The following DISP1 variants were observed in gnomAD, a reference collection of about 807,000 sequenced individuals.
DISP1 encodes protein dispatched homolog 1.
DISP1 carries 30 observed loss-of-function variants against 37.3 expected under a neutral mutation model. The ratio of observed to expected loss-of-function variants is 0.80; its 90% CI spans 0.60 to 1.09. The LOEUF is 1.09. Among genes scored for constraint, DISP1 ranks in the 50% least tolerant of loss-of-function variants. DISP1 has a pLI of 0.00. For synonymous variants in DISP1, 634 were observed against 690.2 expected (o/e 0.92, Z 1.28); for missense variants, 1,598 against 1,879.5 (o/e 0.85, Z 2.77).
chr1:222,930,812 T>TGATTC (rs1673343999), intron 2 of DISP1, among the ~76,000 whole-genome samples: 2 of 152,090 alleles, frequency 1.3e-5, no homozygotes, highest in African/African-American at 4.8e-5. Context: ...CTTAATTTAC[T>TGATTC]GATTCAATTC....
intron 1 of DISP1, among the ~76,000 whole-genome samples, chr1:222,883,166 G>A (rs973610373): frequency 6.6e-6 from 1 of 151,982 alleles, no homozygotes; most frequent in African/African-American, 2.4e-5. Context: ...TACAATTTAA[G>A]TATCATAAAA....
intron 1 of DISP1, among the ~76,000 whole-genome samples, chr1:222,881,851 G>A (rs1195910469): frequency 2.0e-5 from 3 of 152,070 alleles, no homozygotes; most frequent in Admixed American, 1.3e-4. Context: ...ATACTAAAAA[G>A]AATGGGCCAA....
intron 1 of DISP1, among the ~76,000 whole-genome samples, chr1:222,825,055 A>G (rs1187319589): frequency 6.7e-6 from 1 of 149,306 alleles, no homozygotes; most frequent in African/African-American, 2.5e-5. Context: ...TAGTTATTAG[A>G]TTGTTGCCCT....
intron 4 of DISP1, among the ~76,000 whole-genome samples, chr1:222,985,862 A>G (rs1434404363): frequency 6.6e-6 from 1 of 152,096 alleles, no homozygotes; most frequent in East Asian, 1.9e-4. Flanking sequence ...AAAGAGTTGT[A>G]TATTCTTTTC....
intron 1 of DISP1, among the ~76,000 whole-genome samples, chr1:222,829,916 G>T (rs1198696008): frequency 6.6e-6 from 1 of 151,960 alleles, no homozygotes; most frequent in African/African-American, 2.4e-5. Flanking sequence ...TTTTTTAATG[G>T]GTTAAGGTTA....
intron 1 of DISP1, among the ~76,000 whole-genome samples, chr1:222,882,581 C>G (rs1391845455): frequency 6.6e-6 from 1 of 152,146 alleles, no homozygotes; most frequent in Non-Finnish European, 1.5e-5. Flanking sequence ...CTCTTTGTAA[C>G]TTTATGAATA....
intron 1 of DISP1, among the ~76,000 whole-genome samples, chr1:222,828,055 G>C (rs1174661684): frequency 6.6e-6 from 1 of 152,168 alleles, no homozygotes; most frequent in Non-Finnish European, 1.5e-5. Context: ...ACTAGGTATA[G>C]TGTACTTGCA....
At chr1:222,977,439 T>G (rs1181938827) in intron 3 of DISP1, among the ~76,000 whole-genome samples, 2 of 151,590 alleles carry the variant, frequency 1.3e-5, no homozygotes, top group African/African-American at 4.8e-5. Context: ...TTACAAATAT[T>G]TTTTGTCTAA....
chr1:222,871,382 A>G (rs990262418), intron 1 of DISP1, among the ~76,000 whole-genome samples: 1 of 152,172 alleles, frequency 6.6e-6, no homozygotes, highest in African/African-American at 2.4e-5. Context: ...TACCTTGGGC[A>G]GTATGGCCAT....
intron 1 of DISP1, among the ~76,000 whole-genome samples, chr1:222,903,853 G>C (rs1425479767): frequency 6.6e-6 from 1 of 152,230 alleles, no homozygotes; most frequent in Non-Finnish European, 1.5e-5. Context: ...GGTTAGGGAA[G>C]AGAACTACTT....
At chr1:222,937,291 C>T (rs959759782) in intron 2 of DISP1, among the ~76,000 whole-genome samples, 5 of 151,490 alleles carry the variant, frequency 3.3e-5, no homozygotes, top group African/African-American at 1.2e-4. Flanking sequence ...GAGGTTTCAC[C>T]GTGTTAGCCA....
At chr1:222,976,600 AT>A (rs1190380292) in intron 3 of DISP1, among the ~76,000 whole-genome samples, 1 of 151,900 alleles carries the variant, frequency 6.6e-6, no homozygotes, top group Non-Finnish European at 1.5e-5. Flanking sequence ...ACTGTCTCAA[AT>A]TTTTTTAACA....
chr1:222,924,220 C>T (rs1293448291), intron 1 of DISP1, among the ~76,000 whole-genome samples: 3 of 152,156 alleles, frequency 2.0e-5, no homozygotes, highest in African/African-American at 7.2e-5. Context: ...ATTGTCTTTG[C>T]TCCAGACTTG....
chr1:222,944,751 G>A (rs1009708970), intron 3 of DISP1, among the ~76,000 whole-genome samples: 18 of 152,186 alleles, frequency 1.2e-4, no homozygotes, highest in African/African-American at 3.9e-4. Context: ...GCACTCTTTC[G>A]TGTTTGGCAA....
chr1:222,847,733 C>T (rs1179291562), intron 1 of DISP1, among the ~76,000 whole-genome samples: 1 of 151,936 alleles, frequency 6.6e-6, no homozygotes, highest in Non-Finnish European at 1.5e-5. Context: ...CCATGTGCAA[C>T]CCAGGGGGAA....
chr1:222,832,249 G>A (rs1665942021), intron 1 of DISP1, among the ~76,000 whole-genome samples: 1 of 151,908 alleles, frequency 6.6e-6, no homozygotes, highest in Non-Finnish European at 1.5e-5. Flanking sequence ...CCAGCCCTGG[G>A]ACAACTAAAC....
At chr1:222,910,483 C>T (rs982935349) in intron 1 of DISP1, among the ~76,000 whole-genome samples, 1 of 152,100 alleles carries the variant, frequency 6.6e-6, no homozygotes, top group African/African-American at 2.4e-5. Context: ...CTAAATGGTG[C>T]ACTCAGTAGG....
At chr1:222,974,186 T>C (rs1314166221) in intron 3 of DISP1, among the ~76,000 whole-genome samples, 1 of 152,182 alleles carries the variant, frequency 6.6e-6, no homozygotes, top group Non-Finnish European at 1.5e-5. Flanking sequence ...AAAATAACAG[T>C]GTGGTAGTAG....
At chr1:222,967,619 C>T (rs1303243613) in intron 3 of DISP1, among the ~76,000 whole-genome samples, 1 of 151,978 alleles carries the variant, frequency 6.6e-6, no homozygotes, top group Non-Finnish European at 1.5e-5. Context: ...AACAGAGAGC[C>T]CTTGGATTCT....
Sources: allele counts gnomAD v4.1 joint callset (sites outside exome capture counted in the v4.1 genomes callset), GRCh38; gene constraint gnomAD v4.1.1; transcripts MANE v1.5; gene names NCBI Gene and HGNC (gene_info 2026-07-23, HGNC 2026-07-21).